The following AGMO variants were observed in gnomAD, a reference collection of about 807,000 sequenced individuals.
The protein encoded by AGMO is glyceryl-ether monooxygenase.
A neutral mutation model predicts 60.2 loss-of-function variants in AGMO; 75 were observed. The ratio of observed to expected loss-of-function variants is 1.25; its 90% CI spans 1.03 to 1.51. The LOEUF (loss-of-function observed/expected upper bound fraction) is 1.51, where lower values mean the gene tolerates loss of function less well. AGMO is among the 40% of genes most tolerant of loss of function. AGMO has a pLI of 0.00. For synonymous variants in AGMO, 261 were observed against 177.1 expected, an observed-to-expected ratio of 1.47 and a Z score of -3.76; for missense variants, 763 against 525.5, an observed-to-expected ratio of 1.45 and a Z score of -4.42.
At chr7:15,487,584 T>G (rs1467830432) in intron 3 of AGMO, among the ~76,000 whole-genome samples, 1 of 152,132 alleles carries the variant, frequency 6.6e-6, no homozygotes, top group African/African-American at 2.4e-5. Context: ...AATACGTATG[T>G]TTAAATGTTT....
chr7:15,241,554 C>T (rs1157569969), intron 12 of AGMO, among the ~76,000 whole-genome samples: 2 of 151,184 alleles, frequency 1.3e-5, no homozygotes, highest in South Asian at 2.1e-4. Context: ...AGCAAGGTTC[C>T]GTTCTTTTGA....
intron 12 of AGMO, among the ~76,000 whole-genome samples, chr7:15,316,659 T>A (rs1259303046): frequency 2.6e-5 from 4 of 152,076 alleles, no homozygotes; most frequent in Non-Finnish European, 5.9e-5. Flanking sequence ...GCAGAGGGGA[T>A]AATAATAGAT....
Position 15,431,070 on chromosome 7 carries a change from TATG to T in AGMO, c.445_447del (p.His149del). ...GTGGATAAGTTATAGTCTTCAGAACTATGATGTGTTTGGTGTCCGGCCCACATA... is the reference window on the plus strand; with the variant it reads ...GTGGATAAGTTATAGTCTTCAGAACTATGTGTTTGGTGTCCGGCCCACATA... On this transcript the variant is annotated inframe_deletion, in exon 4 of 13. Coordinates refer to ENST00000342526, the MANE Select transcript of AGMO (RefSeq NM_001004320.2). 6.2e-7 allele frequency: 1 copy of T among 1,611,662 alleles called. No individual in the cohort carries two copies. The highest frequency in any genetic ancestry group is 8.5e-7 in the Non-Finnish European group (1 of 1,178,316).
At chr7:15,260,887 G>C (rs1043255368) in intron 12 of AGMO, among the ~76,000 whole-genome samples, 2 of 151,716 alleles carry the variant, frequency 1.3e-5, no homozygotes, top group Admixed American at 1.3e-4. Flanking sequence ...CAAATACATG[G>C]AAATTAAATA....
chr7:15,247,453 C>G (rs200757828), intron 12 of AGMO, among the ~76,000 whole-genome samples: 36,187 of 113,932 alleles, frequency 0.32, 5,928 homozygotes, highest in East Asian at 0.44. Context: ...CACACACACA[C>G]ACACACAGAG....
chr7:15,472,429 T>C (rs1782473713), intron 3 of AGMO, among the ~76,000 whole-genome samples: 2 of 151,874 alleles, frequency 1.3e-5, no homozygotes, highest in African/African-American at 4.8e-5. Context: ...AATGAAAATA[T>C]AGAACTAAAT....
At chr7:15,465,617 G>T (rs1489122416) in intron 3 of AGMO, among the ~76,000 whole-genome samples, 3 of 146,734 alleles carry the variant, frequency 2.0e-5, no homozygotes, top group Admixed American at 6.9e-5. Context: ...ATATATATAT[G>T]ATTTTTTTTT....
chr7:15,186,109 G>T, the AGMO span, among the ~76,000 whole-genome samples: 1 of 152,134 alleles, frequency 6.6e-6, no homozygotes, highest in Non-Finnish European at 1.5e-5. Flanking sequence ...ATTGCAGTCG[G>T]AGACTCTCCC....
intron 3 of AGMO, among the ~76,000 whole-genome samples, chr7:15,508,072 A>G (rs943301529): frequency 5.9e-5 from 9 of 152,156 alleles, no homozygotes; most frequent in African/African-American, 2.2e-4. Flanking sequence ...GCATATCTGC[A>G]CTTAAAATAG....
At chr7:15,170,885 T>C in the AGMO span, among the ~76,000 whole-genome samples, 16 of 152,270 alleles carry the variant, frequency 1.1e-4, no homozygotes, top group South Asian at 3.3e-3. Flanking sequence ...TTTTAAAGAG[T>C]ACTGGTTAGG....
At chr7:15,135,221 A>G in the AGMO span, among the ~76,000 whole-genome samples, 2 of 151,550 alleles carry the variant, frequency 1.3e-5, no homozygotes, top group Non-Finnish European at 2.9e-5. Flanking sequence ...ACGTGTGCCT[A>G]TAGTTTTTTC....
At chr7:15,453,797 A>T (rs1781919213) in intron 3 of AGMO, among the ~76,000 whole-genome samples, 1 of 152,076 alleles carries the variant, frequency 6.6e-6, no homozygotes, top group Non-Finnish European at 1.5e-5. Flanking sequence ...GAGGACACAG[A>T]CGTGGCTTCT....
At chr7:15,557,959 T>C (rs1345550381) in intron 2 of AGMO, among the ~76,000 whole-genome samples, 2 of 150,932 alleles carry the variant, frequency 1.3e-5, no homozygotes, top group African/African-American at 4.9e-5. Flanking sequence ...TCATGTTCTA[T>C]CCCTGAAGGA....
chr7:15,464,516 TTCTC>T (rs1420144130), intron 3 of AGMO, among the ~76,000 whole-genome samples: 2 of 152,186 alleles, frequency 1.3e-5, no homozygotes, highest in Admixed American at 1.3e-4. Flanking sequence ...CTCTGGTAGT[TTCTC>T]TATTATTACA....
At chr7:15,315,424 G>A (rs568025195) in intron 12 of AGMO, among the ~76,000 whole-genome samples, 6 of 123,860 alleles carry the variant, frequency 4.8e-5, no homozygotes, top group South Asian at 5.6e-4. Flanking sequence ...TGCAACCTCC[G>A]ATTCCCTAGT....
At chr7:15,220,398 T>A (rs1781883999) in intron 12 of AGMO, among the ~76,000 whole-genome samples, 1 of 151,272 alleles carries the variant, frequency 6.6e-6, no homozygotes, top group Non-Finnish European at 1.5e-5. Flanking sequence ...TTTTTTTTTT[T>A]AGTAGAGACT....
chr7:15,120,751 ATTTCTTTC>A, the AGMO span, among the ~76,000 whole-genome samples: 2 of 151,494 alleles, frequency 1.3e-5, no homozygotes, highest in Non-Finnish European at 2.9e-5. Context: ...AAGATAATAT[ATTTCTTTC>A]TTTCTTTTTT....
chr7:15,245,070 A>T (rs2128504286), intron 12 of AGMO, among the ~76,000 whole-genome samples: 1 of 152,300 alleles, frequency 6.6e-6, no homozygotes, highest in Admixed American at 6.5e-5. Context: ...GGAAATTAAA[A>T]CTAAAGGTTA....
chr7:15,451,134 T>C (rs1185435783), intron 3 of AGMO, among the ~76,000 whole-genome samples: 1 of 152,160 alleles, frequency 6.6e-6, no homozygotes, highest in Non-Finnish European at 1.5e-5. Context: ...GAATTTTAGC[T>C]GGGTTTCTGT....
Sources: gnomAD v4.1 joint callset for allele counts (sites outside exome capture counted in the v4.1 genomes callset) on GRCh38, gnomAD v4.1.1 for gene constraint, MANE v1.5 for transcripts, NCBI Gene and HGNC (gene_info 2026-07-23, HGNC 2026-07-21) for gene names.